Variants in ZFPM2 observed in about 807,000 individuals in gnomAD.
ZFPM2 encodes the protein zinc finger protein, FOG family member 2.
ZFPM2 carries 20 observed loss-of-function variants against 98.6 expected under a neutral mutation model. That is an observed-to-expected ratio of 0.20 (90% CI 0.14 to 0.29). The LOEUF (loss-of-function observed/expected upper bound fraction) is 0.29. Ranked by LOEUF, ZFPM2 falls within the 10% of genes least tolerant of loss-of-function variation. The pLI is 1.00. For synonymous variants in ZFPM2, 518 were observed against 502.7 expected, an observed-to-expected ratio of 1.03 and a Z score of -0.41; for missense variants, 1,310 against 1,388.6, an observed-to-expected ratio of 0.94 and a Z score of 0.90.
In ZFPM2 at chr8:105,694,482, T is replaced by C. The variant is rs182080090; in HGVS notation, c.532+60125T>C. ...AAAAATATCGAGCAAGTTACTTTACTTCTTAGAGACTCAGGTCTCCAATCT... is the reference window on the plus strand; with the variant it reads ...AAAAATATCGAGCAAGTTACTTTACCTCTTAGAGACTCAGGTCTCCAATCT... On this transcript the variant is annotated intron_variant, in intron 5 of 7. Transcript: ENST00000407775. Among the ~76,000 whole-genome samples the C allele has an allele frequency of 8.9e-4, 136 of 152,314 alleles. 1 individual carries two copies. The highest frequency in any genetic ancestry group is 3.2e-3 in the African/African-American group (133 of 41,576).
chr8:105,715,888 AT>A (rs1278899195), intron 5 of ZFPM2, among the ~76,000 whole-genome samples: 2 of 152,060 alleles, frequency 1.3e-5, no homozygotes, highest in Non-Finnish European at 1.5e-5. Flanking sequence ...TGAAATTTTC[AT>A]ATTCGCTCTA....
At chr8:105,654,518 C>T (rs141681202) in intron 5 of ZFPM2, among the ~76,000 whole-genome samples, 22 of 151,984 alleles carry the variant, frequency 1.4e-4, no homozygotes, top group Middle Eastern at 3.4e-3. Context: ...AGTTTTGTGC[C>T]GGAGACACAG....
intron 1 of ZFPM2, among the ~76,000 whole-genome samples, chr8:105,364,758 A>T (rs1241378442): frequency 6.6e-6 from 1 of 152,070 alleles, no homozygotes; most frequent in African/African-American, 2.4e-5. Flanking sequence ...AGATCAACAA[A>T]TTTTTAAAAA....
At chr8:105,392,171 A>AT (rs1430237836) in intron 1 of ZFPM2, among the ~76,000 whole-genome samples, 3 of 151,980 alleles carry the variant, frequency 2.0e-5, no homozygotes, top group East Asian at 3.9e-4. Flanking sequence ...TTTGAAGGGA[A>AT]TTTTTTTTCT....
intron 2 of ZFPM2, among the ~76,000 whole-genome samples, chr8:105,431,973 C>T (rs1812029664): frequency 6.7e-6 from 1 of 150,236 alleles, no homozygotes; most frequent in African/African-American, 2.5e-5. Context: ...GTTGGCGAGG[C>T]ATTAACTAGG....
At chr8:105,627,546 A>G (rs1185223011) in intron 4 of ZFPM2, among the ~76,000 whole-genome samples, 3 of 152,188 alleles carry the variant, frequency 2.0e-5, no homozygotes, top group Non-Finnish European at 4.4e-5. Flanking sequence ...ACCTGTAAAA[A>G]TTCAATATTT....
chr8:105,413,482 T>TCA (rs1554602637), intron 1 of ZFPM2, among the ~76,000 whole-genome samples: 1 of 140,014 alleles, frequency 7.1e-6, no homozygotes, highest in Non-Finnish European at 1.5e-5. Flanking sequence ...AATTCAAACA[T>TCA]TATATATATA....
At chr8:105,453,716 A>C (rs1027502415) in intron 3 of ZFPM2, among the ~76,000 whole-genome samples, 23 of 151,754 alleles carry the variant, frequency 1.5e-4, no homozygotes, top group African/African-American at 4.6e-4. Context: ...ATCTCAGCTC[A>C]CTGCAACCTC....
chr8:105,385,574 C>A (rs2129901571), intron 1 of ZFPM2, among the ~76,000 whole-genome samples: 1 of 152,272 alleles, frequency 6.6e-6, no homozygotes, highest in South Asian at 2.1e-4. Context: ...TTTACTTTAT[C>A]TGTCAGTAAT....
Position 105,802,872 on chromosome 8 carries a change from C to T in ZFPM2, c.2790C>T (p.Asn930=), listed in dbSNP as rs765947579. ...GNLKQPSPNG[N]LFSSHLATLQ... ...TGAAGCAGCCTTCCCCCAATGGAAA[C>T]TTATTTTCATCCCACCTAGCAACCC... The change falls in exon 8 of 8, where the codon AAC becomes AAT. Residue 930 remains asparagine, a synonymous_variant. Transcript: ENST00000407775. The T allele has an allele frequency of 3.1e-6, 5 of 1,613,768 alleles. No individual in the cohort carries two copies. Among genetic ancestry groups the T allele is most frequent in the Non-Finnish European group, 4.2e-6 (5 of 1,179,830 alleles).
chr8:105,384,659 C>A (rs1232172442), intron 1 of ZFPM2, among the ~76,000 whole-genome samples: 4 of 151,894 alleles, frequency 2.6e-5, no homozygotes, highest in Non-Finnish European at 5.9e-5. Context: ...CCGTTTGGAG[C>A]AAGAGCTTTG....
chr8:105,731,586 CT>C (rs1229831400), intron 5 of ZFPM2, among the ~76,000 whole-genome samples: 1 of 151,452 alleles, frequency 6.6e-6, no homozygotes, highest in South Asian at 2.1e-4. Context: ...TCTGAGCGAA[CT>C]TTGTTGCTAG....
chr8:105,397,616 A>G (rs1403021858), intron 1 of ZFPM2, among the ~76,000 whole-genome samples: 1 of 152,088 alleles, frequency 6.6e-6, no homozygotes, highest in Admixed American at 6.5e-5. Context: ...TTGCTCTTAG[A>G]GGTACATTAA....
At chr8:105,451,196 G>C (rs561558190) in intron 3 of ZFPM2, among the ~76,000 whole-genome samples, 1 of 152,144 alleles carries the variant, frequency 6.6e-6, no homozygotes, top group Non-Finnish European at 1.5e-5. Context: ...AGAAATTCAA[G>C]TTAAAGATAA....
intron 5 of ZFPM2, among the ~76,000 whole-genome samples, chr8:105,770,678 A>T (rs1431559813): frequency 6.6e-6 from 1 of 152,164 alleles, no homozygotes; most frequent in Non-Finnish European, 1.5e-5. Context: ...GCTGAATAAT[A>T]CCTTGGCTAC....
chr8:105,468,268 T>C (rs180952018), intron 3 of ZFPM2, among the ~76,000 whole-genome samples: 2 of 152,204 alleles, frequency 1.3e-5, no homozygotes, highest in East Asian at 3.9e-4. Context: ...CTCTCTTTGC[T>C]CTTAGAGTTC....
chr8:105,373,742 A>G (rs1342966459), intron 1 of ZFPM2, among the ~76,000 whole-genome samples: 2 of 152,204 alleles, frequency 1.3e-5, no homozygotes, highest in Non-Finnish European at 2.9e-5. Flanking sequence ...ATAAAGAAAA[A>G]TGGAAACTAT....
Position 105,577,540 on chromosome 8 carries a change from T to G in ZFPM2, c.420+16059T>G, listed in dbSNP as rs1219385659. The stretch of plus-strand genomic sequence containing the variant: ...ATTTTTCTTGTCATAGTTTAGATAT[T>G]ATAAATATTAAGATTGTTTCTAACA... On this transcript the variant is annotated intron_variant, in intron 4 of 7. Coordinates refer to ENST00000407775, the MANE Select transcript of ZFPM2 (RefSeq NM_012082.4). 2.0e-5 allele frequency among the ~76,000 whole-genome samples: 3 copies of G among 152,024 alleles called. No individual in the cohort carries two copies. The East Asian group carries it at 5.8e-4, about 29-fold the overall frequency.
At chr8:105,712,505 G>T (rs886611673) in intron 5 of ZFPM2, among the ~76,000 whole-genome samples, 4 of 150,952 alleles carry the variant, frequency 2.6e-5, no homozygotes, top group African/African-American at 9.7e-5. Context: ...TTACCAGCTT[G>T]TAAGAGCCAG....
Sources: gnomAD v4.1 joint callset for allele counts (sites outside exome capture counted in the v4.1 genomes callset) on GRCh38, gnomAD v4.1.1 for gene constraint, MANE v1.5 for transcripts, NCBI Gene and HGNC (gene_info 2026-07-23, HGNC 2026-07-21) for gene names.